SCHIP1: variants seen among roughly 807,000 people sequenced by gnomAD.
SCHIP1 encodes the protein schwannomin-interacting protein 1.
Under a neutral mutation model 29.7 loss-of-function variants are expected in SCHIP1, and 8 were observed. The ratio of observed to expected loss-of-function variants is 0.27; its 90% CI spans 0.16 to 0.49. The LOEUF (loss-of-function observed/expected upper bound fraction) is 0.49, where lower values mean the gene tolerates loss of function less well. SCHIP1 is among the 20% of genes least tolerant of loss of function. The pLI, the probability that SCHIP1 is intolerant of heterozygous loss-of-function variation, is 0.99. For synonymous variants in SCHIP1, 76 were observed against 94.9 expected (o/e 0.80, Z 1.16); for missense variants, 193 against 294.6 (o/e 0.66, Z 2.52).
chr3:159,694,231 ACTAACC>A, the SCHIP1 span, among the ~76,000 whole-genome samples: 53 of 150,402 alleles, frequency 3.5e-4, 1 homozygote, highest in African/African-American at 9.6e-4. Flanking sequence ...CATGCCTAAC[ACTAACC>A]CTAACCCTAA....
the SCHIP1 span, among the ~76,000 whole-genome samples, chr3:159,695,741 A>G: frequency 2.6e-5 from 4 of 152,182 alleles, no homozygotes; most frequent in Non-Finnish European, 5.9e-5. Context: ...AATGTTTCCA[A>G]GTTCCATACA....
At chr3:159,670,517 A>G in the SCHIP1 span, among the ~76,000 whole-genome samples, 4 of 151,972 alleles carry the variant, frequency 2.6e-5, no homozygotes, top group African/African-American at 9.7e-5. Flanking sequence ...GTATATGAAA[A>G]CTCATCATGA....
At chr3:159,515,557 A>G in the SCHIP1 span, among the ~76,000 whole-genome samples, 1 of 152,228 alleles carries the variant, frequency 6.6e-6, no homozygotes, top group Non-Finnish European at 1.5e-5. Context: ...AAATATATAG[A>G]TTGCTTGCCA....
chr3:159,488,803 G>A, the SCHIP1 span, among the ~76,000 whole-genome samples: 23 of 152,268 alleles, frequency 1.5e-4, no homozygotes, highest in East Asian at 7.7e-4. Context: ...ATAAATATTC[G>A]TCACCAGGTC....
the SCHIP1 span, among the ~76,000 whole-genome samples, chr3:159,583,273 G>A: frequency 6.6e-5 from 10 of 152,172 alleles, no homozygotes; most frequent in South Asian, 2.1e-3. Flanking sequence ...TAACTCACAT[G>A]TCATAGCATT....
chr3:159,769,478 G>A, the SCHIP1 span, among the ~76,000 whole-genome samples: 6 of 152,144 alleles, frequency 3.9e-5, no homozygotes, highest in Non-Finnish European at 7.3e-5. Flanking sequence ...GGCCAGGCAT[G>A]GTGGCTCAGG....
chr3:159,757,773 T>C, the SCHIP1 span, among the ~76,000 whole-genome samples: 1 of 152,150 alleles, frequency 6.6e-6, no homozygotes, highest in Non-Finnish European at 1.5e-5. Context: ...GAGCCAAGTA[T>C]CCTGAAGAGT....
At chr3:159,430,221 C>A in the SCHIP1 span, among the ~76,000 whole-genome samples, 3 of 152,206 alleles carry the variant, frequency 2.0e-5, no homozygotes, top group African/African-American at 7.2e-5. Flanking sequence ...TTCATGTAAG[C>A]TCTGGTTGTC....
chr3:159,610,623 C>CA, the SCHIP1 span, among the ~76,000 whole-genome samples: 1 of 152,108 alleles, frequency 6.6e-6, no homozygotes, highest in Non-Finnish European at 1.5e-5. Flanking sequence ...GAGTTTGAAA[C>CA]AAAATCTATT....
At chr3:159,609,648 C>T in the SCHIP1 span, among the ~76,000 whole-genome samples, 10 of 152,188 alleles carry the variant, frequency 6.6e-5, no homozygotes, top group East Asian at 1.5e-3. Context: ...CAGCCCTGTC[C>T]CTTCCCACTA....
chr3:159,755,108 A>G, the SCHIP1 span, among the ~76,000 whole-genome samples: 107,380 of 151,834 alleles, frequency 0.71, 38,652 homozygotes, highest in Middle Eastern at 0.9. Context: ...GGCGGCAGGC[A>G]CCTGTAGTCC....
In SCHIP1 at chr3:159,855,482, G is replaced by C. The variant is rs141938371; in HGVS notation, c.31-10681G>C. Among the ~76,000 whole-genome samples, 24 of 152,162 alleles carry C rather than the reference G, an allele frequency of 1.6e-4. No individual in the cohort carries two copies. In the East Asian group the frequency reaches 3.3e-3, roughly 21 times the overall value. On this transcript the variant is annotated intron_variant, in intron 1 of 6. Coordinates refer to ENST00000445224, the Ensembl canonical transcript of SCHIP1. ...GATGCCGTAAAGTGGGGCTCTGCAG[G>C]CTTTTTTGACCTTGCATTCATCAGT...
chr3:159,379,084 A>T, the SCHIP1 span, among the ~76,000 whole-genome samples: 26 of 152,336 alleles, frequency 1.7e-4, no homozygotes, highest in Admixed American at 2.6e-4. Context: ...GGGACAATAA[A>T]TCAAAACCTT....
the SCHIP1 span, among the ~76,000 whole-genome samples, chr3:159,565,351 T>A: frequency 6.6e-6 from 1 of 152,248 alleles, no homozygotes; most frequent in Admixed American, 6.5e-5. Context: ...TTTAGCATTT[T>A]CTTCAACTCA....
the SCHIP1 span, among the ~76,000 whole-genome samples, chr3:159,435,224 G>A: frequency 1.3e-5 from 2 of 152,148 alleles, no homozygotes; most frequent in Non-Finnish European, 2.9e-5. Context: ...AGGTTGCTAT[G>A]TGGGTTAAAT....
the SCHIP1 span, among the ~76,000 whole-genome samples, chr3:159,359,235 G>A: frequency 6.6e-6 from 1 of 152,022 alleles, no homozygotes; most frequent in East Asian, 1.9e-4. Context: ...AGCATTCATT[G>A]ATTTTTAAAG....
chr3:159,623,859 C>T, the SCHIP1 span, among the ~76,000 whole-genome samples: 29 of 152,108 alleles, frequency 1.9e-4, no homozygotes, highest in Non-Finnish European at 3.4e-4. Flanking sequence ...CCATACCCCA[C>T]GTTTTCTTTC....
the SCHIP1 span, among the ~76,000 whole-genome samples, chr3:159,507,849 T>G: frequency 6.6e-6 from 1 of 152,248 alleles, no homozygotes; most frequent in Non-Finnish European, 1.5e-5. Flanking sequence ...CTTTTTGATG[T>G]CCTGCTGGAT....
At chr3:159,698,867 A>C in the SCHIP1 span, among the ~76,000 whole-genome samples, 1 of 152,124 alleles carries the variant, frequency 6.6e-6, no homozygotes, top group South Asian at 2.1e-4. Context: ...GCTGGTCTCA[A>C]ACTTCTGGCC....
Sources: gnomAD v4.1 joint callset for allele counts (sites outside exome capture counted in the v4.1 genomes callset) on GRCh38, gnomAD v4.1.1 for gene constraint, MANE v1.5 for transcripts, NCBI Gene and HGNC (gene_info 2026-07-23, HGNC 2026-07-21) for gene names.